PDIA3: variants seen among roughly 807,000 people sequenced by gnomAD.
PDIA3 encodes protein disulfide isomerase family A member 3, also known as protein disulfide-isomerase A3.
A neutral mutation model predicts 56.9 loss-of-function variants in PDIA3; 16 were observed. The ratio of observed to expected loss-of-function variants is 0.28; its 90% CI spans 0.19 to 0.43. The LOEUF is 0.43. Among genes scored for constraint, PDIA3 ranks in the 20% least tolerant of loss-of-function variants. PDIA3 has a pLI of 1.00. For synonymous variants in PDIA3, 192 were observed against 216.5 expected, an observed-to-expected ratio of 0.89 and a Z score of 0.99; for missense variants, 485 against 621.3, an observed-to-expected ratio of 0.78 and a Z score of 2.33.
At chr15:43,750,352 A>G (rs2086735891) in intron 1 of PDIA3, among the ~76,000 whole-genome samples, 2 of 151,696 alleles carry the variant, frequency 1.3e-5, no homozygotes, top group Admixed American at 6.6e-5. Context: ...TTTGTAGACT[A>G]ATATTTCCAT....
chr15:43,755,910 G>A (rs1456313088), intron 2 of PDIA3, among the ~76,000 whole-genome samples: 5 of 145,078 alleles, frequency 3.4e-5, no homozygotes, highest in African/African-American at 1.0e-4. Context: ...GTGAAACTCC[G>A]TCTCAAAAAA....
chr15:43,759,183 G>A (rs1238529202), intron 3 of PDIA3, among the ~76,000 whole-genome samples: 5 of 151,864 alleles, frequency 3.3e-5, no homozygotes, highest in Non-Finnish European at 7.4e-5. Flanking sequence ...CCAGCTACTC[G>A]GGAGGCTGAG....
At chr15:43,750,453 A>G (rs2086736384) in intron 1 of PDIA3, among the ~76,000 whole-genome samples, 1 of 152,110 alleles carries the variant, frequency 6.6e-6, no homozygotes, top group South Asian at 2.1e-4. Context: ...GAAATGTCCG[A>G]AAATTTATTG....
In PDIA3 at chr15:43,746,722, C is replaced by T. The variant is rs1277396763; in HGVS notation, c.167+16C>T. The T allele has an allele frequency of 2.5e-6, 4 of 1,611,654 alleles. No homozygotes were observed. The highest frequency in any genetic ancestry group is 1.1e-5 in the South Asian group (1 of 90,948). ...TCGCCCCCTGGTGAGTCCATTCTGC[C>T]GAGGCGGGGGAAGAAAGGCGGGGCT... On this transcript the variant is annotated intron_variant, in intron 1 of 12. Transcript: ENST00000300289.
intron 3 of PDIA3, among the ~76,000 whole-genome samples, chr15:43,759,905 T>C: frequency 6.6e-6 from 1 of 151,592 alleles, no homozygotes. Flanking sequence ...CCAGCCAACA[T>C]AGTGAAACCC....
Position 43,771,277 on chromosome 15 carries a change from T to G in PDIA3, c.*59T>G. ...CTTCCATCAGAGATGGGAAAACCAT[T>G]GGGGAGGACTAGGACCCATATGGGA... On this transcript the variant is annotated 3_prime_UTR_variant, in exon 13 of 13. Transcript: ENST00000300289. 1 of 1,072,650 alleles carries G rather than the reference T, an allele frequency of 9.3e-7. No homozygotes were observed. The highest frequency in any genetic ancestry group is 1.4e-6 in the Non-Finnish European group (1 of 701,562). 66.4% of individuals were successfully genotyped at this position (1,072,650 alleles called of 1,614,324 possible).
intron 1 of PDIA3, among the ~76,000 whole-genome samples, chr15:43,749,138 G>C (rs915107265): frequency 5.9e-5 from 9 of 151,518 alleles, no homozygotes; most frequent in African/African-American, 2.2e-4. Flanking sequence ...CTGTTACCCA[G>C]GCTGGAGTGC....
chr15:43,771,199 A>C lies in PDIA3; in HGVS notation c.1499A>C (p.Lys500Thr), dbSNP rs750846301. 74 of 1,608,746 alleles carry C rather than the reference A, an allele frequency of 4.6e-5. No homozygotes were observed. Among genetic ancestry groups the C allele is most frequent in the Admixed American group, 8.3e-5 (5 of 59,930 alleles). Residue 500 changes from lysine to threonine, a missense_variant, in exon 13 of 13, where the codon AAG becomes ACG. Physicochemically the swap from Lys to Thr is moderately conservative, Grantham distance 78. Transcript: ENST00000300289. ...GAAGAAAAACCCAAGAAGAAGAAGA[A>C]GGCACAGGAGGATCTCTAAAGCAGT... ...IQEEKPKKKK[K>T]AQEDL is the part of the protein sequence containing the mutation.
chr15:43,746,984 C>T (rs541603434), intron 1 of PDIA3: 27 of 528,678 alleles, frequency 5.1e-5, no homozygotes, highest in Non-Finnish European at 8.9e-5. Flanking sequence ...AGGGTTTTGC[C>T]ACCCCTTCCC....
At position 43,772,256 on chromosome 15, in the gene PDIA3, T is replaced by G. The variant is rs1220704133; in HGVS notation, c.*1038T>G. The stretch of plus-strand genomic sequence containing the variant: ...GGTAAATTCAAATCCTGCCCAGTTA[T>G]AGTTTTCAGTCACTGGAGAATTCCA... On this transcript the variant is annotated 3_prime_UTR_variant, in exon 13 of 13. Transcript: ENST00000300289. 6.6e-6 allele frequency: 1 copy of G among 152,232 alleles called. No homozygotes were observed. Among genetic ancestry groups the G allele is most frequent in the Non-Finnish European group, 1.5e-5 (1 of 68,038 alleles). 9.4% of individuals were successfully genotyped at this position (152,232 alleles called of 1,614,324 possible).
At chr15:43,756,431 G>T (rs2086778835) in intron 2 of PDIA3, among the ~76,000 whole-genome samples, 1 of 152,200 alleles carries the variant, frequency 6.6e-6, no homozygotes, top group Non-Finnish European at 1.5e-5. Flanking sequence ...TGCATTTTAT[G>T]TGAGGCCTAG....
intron 3 of PDIA3, among the ~76,000 whole-genome samples, chr15:43,758,614 G>A (rs958887832): frequency 6.7e-6 from 1 of 149,828 alleles, no homozygotes; most frequent in Non-Finnish European, 1.5e-5. Context: ...GTCGAGATCG[G>A]GCCACTGCAC....
In PDIA3 at chr15:43,765,944, C is replaced by T; in HGVS notation, c.777C>T (p.Asp259=). ...ATAAAGATTTGATACAGGGCAAGGA[C>T]TTACTTATTGCTTACTATGATGTGG... ...EDNKDLIQGK[D]LLIAYYDVDY... is the part of the protein sequence containing the mutation. Residue 259 remains aspartate (D), a synonymous_variant, in exon 7 of 13, where the codon GAC becomes GAT. Transcript: ENST00000300289. 1 of 1,613,300 alleles carries T rather than the reference C, an allele frequency of 6.2e-7. No individual in the cohort carries two copies. Among genetic ancestry groups the T allele is most frequent in the Non-Finnish European group, 8.5e-7 (1 of 1,179,438 alleles).
chr15:43,755,806 C>T (rs1014041043), intron 2 of PDIA3, among the ~76,000 whole-genome samples: 3 of 151,490 alleles, frequency 2.0e-5, no homozygotes, highest in Non-Finnish European at 2.9e-5. Flanking sequence ...CCCAGCTACT[C>T]GGGAGGCTGA....
At position 43,765,475 on chromosome 15, in the gene PDIA3, C is replaced by T. The variant is rs755677588; in HGVS notation, c.628C>T (p.His210Tyr). The change falls in exon 6 of 13, where the codon CAT (histidine) becomes TAT (tyrosine). Residue 210 changes from histidine to tyrosine, a missense_variant. By Grantham distance (83) the His-to-Tyr change is moderately conservative. Transcript: ENST00000300289. ...GGGTATCATCTTATTTCGTCCTTCA[C>T]ATCTCACTAACAAGTTTGAGGACAA... ...GEGIILFRPS[H>Y]LTNKFEDKTV... The T allele has an allele frequency of 1.2e-6, 2 of 1,606,350 alleles. No homozygotes were observed. The highest frequency in any genetic ancestry group is 1.3e-5 in the African/African-American group (1 of 74,528).
Position 43,753,848 on chromosome 15 carries a change from A to C in PDIA3, c.192A>C (p.Ala64=). The change falls in exon 2 of 13, where the codon GCA becomes GCC. Residue 64 remains alanine, a synonymous_variant. Coordinates refer to ENST00000300289, the MANE Select transcript of PDIA3 (RefSeq NM_005313.5). ...GGTGTGGACACTGCAAGAGACTTGC[A>C]CCTGAGTATGAAGCTGCAGCTACCA... The part of the protein sequence containing the change: ...APWCGHCKRL[A]PEYEAAATRL... The C allele has an allele frequency of 6.2e-7, 1 of 1,613,752 alleles. No individual in the cohort carries two copies. The highest frequency in any genetic ancestry group is 8.5e-7 in the Non-Finnish European group (1 of 1,179,646).
At chr15:43,753,700 T>C in intron 1 of PDIA3, 124 bp from the exon 2 acceptor site, 3 of 665,376 alleles carry the variant, frequency 4.5e-6, no homozygotes, top group East Asian at 5.2e-5. Context: ...TGTGATGATT[T>C]TGCTTTTTGG....
chr15:43,756,781 T>TG lies in PDIA3; in HGVS notation c.364+15_364+16insG. On this transcript the variant is annotated intron_variant, in intron 3 of 12. Transcript: ENST00000300289. Reference sequence around the variant, plus strand: ...TAGGACTGCTGGTAAGGATCCTGAATTACATTCTGGAAACTGATGTTAAGT... The same window carrying TG: ...TAGGACTGCTGGTAAGGATCCTGAATGTACATTCTGGAAACTGATGTTAAGT... 2.2e-6 allele frequency: 3 copies of TG among 1,351,476 alleles called. No individual in the cohort carries two copies. Among genetic ancestry groups the TG allele is most frequent in the Non-Finnish European group, 3.2e-6 (3 of 946,286 alleles). The allele number at this position is 1,351,476 out of a possible 1,614,324, so 83.7% of individuals were successfully genotyped here.
At chr15:43,750,673 G>A (rs1307551163) in intron 1 of PDIA3, among the ~76,000 whole-genome samples, 1 of 151,818 alleles carries the variant, frequency 6.6e-6, no homozygotes, top group African/African-American at 2.4e-5. Flanking sequence ...TACTCGGGAG[G>A]CTGAGGCAGG....
Sources: allele counts gnomAD v4.1 joint callset (sites outside exome capture counted in the v4.1 genomes callset), GRCh38; gene constraint gnomAD v4.1.1; transcripts MANE v1.5; gene names NCBI Gene and HGNC (gene_info 2026-07-23, HGNC 2026-07-21).